LGR4: variants seen among roughly 807,000 people sequenced by gnomAD.
The protein encoded by LGR4 is leucine-rich repeat-containing G protein-coupled receptor 4.
LGR4 carries 44 observed loss-of-function variants against 84.8 expected under a neutral mutation model. The observed-to-expected ratio is 0.52, with a 90% CI of 0.41 to 0.67. The LOEUF (loss-of-function observed/expected upper bound fraction) is 0.67. LGR4 is among the 30% of genes least tolerant of loss of function. The pLI is 0.00. For missense variants in LGR4, 1,032 were observed against 1,131.4 expected (o/e 0.91, Z 1.26); for synonymous variants, 429 against 434.3 (o/e 0.99, Z 0.15).
chr11:27,416,809 T>C (rs992143444), intron 1 of LGR4, among the ~76,000 whole-genome samples: 1 of 152,102 alleles, frequency 6.6e-6, no homozygotes, highest in Non-Finnish European at 1.5e-5. Context: ...ATTTAAAGGG[T>C]GCAACTGTTT....
chr11:27,426,488 CA>C (rs1565089405), intron 1 of LGR4, among the ~76,000 whole-genome samples: 1 of 152,138 alleles, frequency 6.6e-6, no homozygotes, highest in Non-Finnish European at 1.5e-5. Flanking sequence ...CAGTGGTTAA[CA>C]ATTTCCCCAA....
At chr11:27,400,835 C>T (rs143397414) in intron 2 of LGR4, among the ~76,000 whole-genome samples, 7 of 152,108 alleles carry the variant, frequency 4.6e-5, no homozygotes, top group Middle Eastern at 3.4e-3. Context: ...TCAAGAGGAC[C>T]GGAGGATATG....
intron 1 of LGR4, among the ~76,000 whole-genome samples, chr11:27,449,044 A>G (rs2133441729): frequency 6.6e-6 from 1 of 152,366 alleles, no homozygotes; most frequent in East Asian, 1.9e-4. Flanking sequence ...TCTAACTATC[A>G]TAAGTTAGCT....
chr11:27,396,163 G>A (rs111945143), intron 2 of LGR4, among the ~76,000 whole-genome samples: 2 of 152,108 alleles, frequency 1.3e-5, no homozygotes, highest in South Asian at 2.1e-4. Context: ...TCTCTTGCCC[G>A]GCTGGCTGAA....
intron 1 of LGR4, among the ~76,000 whole-genome samples, chr11:27,459,137 A>G (rs1356554499): frequency 6.6e-6 from 1 of 152,232 alleles, no homozygotes; most frequent in Non-Finnish European, 1.5e-5. Context: ...ATGTTCAGTA[A>G]TGATACCAAG....
At chr11:27,382,912 G>A (rs1390247490) in intron 6 of LGR4, among the ~76,000 whole-genome samples, 1 of 152,176 alleles carries the variant, frequency 6.6e-6, no homozygotes, top group East Asian at 1.9e-4. Context: ...AGCTACTAAG[G>A]AAGCTGAGAC....
intron 9 of LGR4, 48 bp from the exon 10 acceptor site, chr11:27,380,387 A>C (rs1340844094): frequency 7.0e-7 from 1 of 1,418,522 alleles, no homozygotes; most frequent in Non-Finnish European, 9.8e-7. Flanking sequence ...TTTTTTTCAT[A>C]TTTTATGTTT....
chr11:27,376,355 AT>A lies in LGR4; in HGVS notation c.1124del (p.Asn375IlefsTer6). On this transcript the variant is annotated frameshift_variant, in exon 13 of 18. Coordinates refer to ENST00000379214, the MANE Select transcript of LGR4 (RefSeq NM_018490.5). LOFTEE classifies it high-confidence loss of function. ...TGCCTTCCTTTATTTGGTAGATTTG[AT>A]TACGCTGTAAAGAACTAAATAAAAA... is the stretch of plus-strand genomic sequence containing the variant. The part of the protein sequence containing the change: ...HALEEISLQR[N>X]QIYQIKEGTF... 6.4e-7 allele frequency: 1 copy of A among 1,555,032 alleles called. No homozygotes were observed. Among genetic ancestry groups the A allele is most frequent in the Non-Finnish European group, 8.8e-7 (1 of 1,131,524 alleles).
intron 2 of LGR4, among the ~76,000 whole-genome samples, chr11:27,412,114 C>T (rs1221262715): frequency 3.9e-5 from 6 of 151,916 alleles, no homozygotes; most frequent in South Asian, 2.1e-4. Flanking sequence ...TTTTAAAACC[C>T]GAAAGTGCCT....
At chr11:27,459,057 A>G (rs2133452231) in intron 1 of LGR4, among the ~76,000 whole-genome samples, 1 of 152,334 alleles carries the variant, frequency 6.6e-6, no homozygotes, top group South Asian at 2.1e-4. Context: ...ATCAAGAACT[A>G]CAAAAGGAAT....
chr11:27,433,298 C>T (rs1159979236), intron 1 of LGR4, among the ~76,000 whole-genome samples: 2 of 152,144 alleles, frequency 1.3e-5, no homozygotes, highest in African/African-American at 4.8e-5. Flanking sequence ...CTACAAGCTC[C>T]GCCTCCCGGG....
At chr11:27,393,954 G>GGGGGGGGGGA (rs1565077501) in intron 2 of LGR4, among the ~76,000 whole-genome samples, 1 of 85,864 alleles carries the variant, frequency 1.2e-5, no homozygotes, top group African/African-American at 4.5e-5. Context: ...GGGGGGGGGG[G>GGGGGGGGGGA]CGCGGGAAGG....
chr11:27,396,912 C>T (rs932866994), intron 2 of LGR4, among the ~76,000 whole-genome samples: 2 of 152,108 alleles, frequency 1.3e-5, no homozygotes, highest in Non-Finnish European at 2.9e-5. Flanking sequence ...CTTTCCCCTC[C>T]GTGTTCTGTT....
At chr11:27,459,359 G>A (rs1864634604) in intron 1 of LGR4, among the ~76,000 whole-genome samples, 2 of 152,110 alleles carry the variant, frequency 1.3e-5, no homozygotes, top group Admixed American at 1.3e-4. Context: ...TGAAATGGAT[G>A]TCATTACTTC....
intron 1 of LGR4, among the ~76,000 whole-genome samples, chr11:27,414,953 T>A (rs539479656): frequency 1.3e-5 from 2 of 152,254 alleles, no homozygotes; most frequent in South Asian, 4.1e-4. Context: ...GTCTACCTTT[T>A]CAGATAAAAA....
intron 1 of LGR4, among the ~76,000 whole-genome samples, chr11:27,417,393 A>C (rs925198762): frequency 6.6e-6 from 1 of 152,168 alleles, no homozygotes; most frequent in Admixed American, 6.6e-5. Context: ...AATCAACCAG[A>C]AATTTCAGGC....
At chr11:27,424,149 G>A (rs1797013195) in intron 1 of LGR4, among the ~76,000 whole-genome samples, 1 of 152,174 alleles carries the variant, frequency 6.6e-6, no homozygotes, top group Admixed American at 6.5e-5. Flanking sequence ...CTACAAGGAA[G>A]AGAATATCTA....
At chr11:27,370,795 C>T (rs1862868435) in intron 17 of LGR4, among the ~76,000 whole-genome samples, 1 of 152,138 alleles carries the variant, frequency 6.6e-6, no homozygotes, top group Admixed American at 6.5e-5. Flanking sequence ...ACATGAACTC[C>T]AGTGAGACAA....
chr11:27,462,160 C>T (rs746259601), intron 1 of LGR4, among the ~76,000 whole-genome samples: 1 of 152,056 alleles, frequency 6.6e-6, no homozygotes, highest in Non-Finnish European at 1.5e-5. Flanking sequence ...AATGAAAGTC[C>T]TCAGTGTCAC....
Sources: allele counts gnomAD v4.1 joint callset (sites outside exome capture counted in the v4.1 genomes callset), GRCh38; gene constraint gnomAD v4.1.1; transcripts MANE v1.5; gene names NCBI Gene and HGNC (gene_info 2026-07-23, HGNC 2026-07-21).